The following RYR3 variants were observed in gnomAD, a reference collection of about 807,000 sequenced individuals.
The protein encoded by RYR3 is brain ryanodine receptor-calcium release channel.
A neutral mutation model predicts 584.3 loss-of-function variants in RYR3; 207 were observed. The observed-to-expected ratio is 0.35, with a 90% CI of 0.32 to 0.40. The LOEUF (loss-of-function observed/expected upper bound fraction) is 0.40. RYR3 is among the 10% of genes least tolerant of loss of function. RYR3 has a pLI of 1.00. For synonymous variants in RYR3, 2,416 were observed against 2,248.5 expected (o/e 1.07, Z -2.11); for missense variants, 5,616 against 6,089.2 (o/e 0.92, Z 2.59).
intron 67 of RYR3, among the ~76,000 whole-genome samples, chr15:33,794,318 T>C (rs1442656187): frequency 1.1e-5 from 1 of 93,588 alleles, no homozygotes; most frequent in Non-Finnish European, 2.4e-5. Flanking sequence ...TTTATATATA[T>C]ATATTTTTAT....
rs200820484 is a variant in RYR3 at position 33,601,485 on chromosome 15, A to G, written c.1855A>G (p.Ile619Val). 4 of 1,613,550 alleles carry G rather than the reference A, an allele frequency of 2.5e-6. No homozygotes were observed. In the African/African-American group the frequency reaches 5.3e-5, roughly 22 times the overall value. Residue 619 changes from isoleucine (I) to valine (V), a missense_variant, in exon 17 of 104, where the codon ATC becomes GTC. Physicochemically the swap from Ile to Val is conservative, Grantham distance 29. This residue lies in a region of RYR3 where 1,284 missense variants were observed against 1,344.6 expected (regional missense o/e 0.95). Transcript: ENST00000634891. ...GVAVRANQNL[I>V]CDNLLPRRNL... ...TGCAGTGAGAGCCAACCAGAATCTGATCTGTGACAACTTGCTGCCCCGGAG... is the reference window on the plus strand; with the variant it reads ...TGCAGTGAGAGCCAACCAGAATCTGGTCTGTGACAACTTGCTGCCCCGGAG...
rs144924122 is a variant in RYR3, at chr15:33,813,401, A to G, written c.10390-66A>G. On this transcript the variant is annotated intron_variant, in intron 73 of 103. Transcript: ENST00000634891. ...TCCAGAATGAAGAAGTCTGGGCTAC[A>G]GGTGACTAGCTTCTGCCACCAGAAG... 320 of 1,377,072 alleles carry G rather than the reference A, an allele frequency of 2.3e-4. No individual in the cohort carries two copies. In the African/African-American group the frequency reaches 4.1e-3, roughly 18 times the overall value. 85.3% of individuals were successfully genotyped at this position (1,377,072 alleles called of 1,614,324 possible).
In RYR3 at chr15:33,682,495, G is replaced by T. The variant is rs529303872; in HGVS notation, c.5860+11939G>T. The stretch of plus-strand genomic sequence containing the variant: ...TATACATCATATATTTGATATCATT[G>T]CCTTAATGTGACTACCCCTAATTAC... On this transcript the variant is annotated intron_variant, in intron 38 of 103. Coordinates refer to ENST00000634891, the MANE Select transcript of RYR3 (RefSeq NM_001036.6). Among the ~76,000 whole-genome samples the T allele has an allele frequency of 7.2e-5, 11 of 152,098 alleles. No individual in the cohort carries two copies. The South Asian group carries it at 1.7e-3, about 23-fold the overall frequency.
chr15:33,644,824 G>C (rs1175171726), intron 28 of RYR3, among the ~76,000 whole-genome samples: 1 of 152,150 alleles, frequency 6.6e-6, no homozygotes, highest in African/African-American at 2.4e-5. Flanking sequence ...AGTATTCGGA[G>C]ACCTTAAACT....
intron 43 of RYR3, chr15:33,722,493 G>T: frequency 3.6e-6 from 2 of 551,392 alleles, no homozygotes; most frequent in Non-Finnish European, 6.3e-6. Context: ...AGTAGATGAG[G>T]CTGGTTCAAG....
intron 1 of RYR3, among the ~76,000 whole-genome samples, chr15:33,457,349 C>T (rs1251008050): frequency 3.3e-5 from 5 of 152,156 alleles, no homozygotes; most frequent in African/African-American, 1.2e-4. Context: ...CAACTTGTGT[C>T]TGTCAGTGGA....
intron 1 of RYR3, among the ~76,000 whole-genome samples, chr15:33,418,722 C>G (rs2141581192): frequency 6.6e-6 from 1 of 152,182 alleles, no homozygotes; most frequent in Middle Eastern, 3.4e-3. Flanking sequence ...ATAGACATCC[C>G]AGAAAAACCA....
At chr15:33,423,388 G>C (rs1420503994) in intron 1 of RYR3, among the ~76,000 whole-genome samples, 1 of 152,048 alleles carries the variant, frequency 6.6e-6, no homozygotes, top group East Asian at 1.9e-4. Flanking sequence ...ACTGTATTTT[G>C]TTTATCCATT....
intron 19 of RYR3, among the ~76,000 whole-genome samples, chr15:33,622,709 A>G (rs1244899340): frequency 6.6e-6 from 1 of 152,032 alleles, no homozygotes; most frequent in Non-Finnish European, 1.5e-5. Flanking sequence ...GCTTTTTTCC[A>G]GTGTTCAATT....
intron 2 of RYR3, among the ~76,000 whole-genome samples, chr15:33,497,525 G>A (rs1038387221): frequency 6.6e-6 from 1 of 152,048 alleles, no homozygotes; most frequent in Admixed American, 6.6e-5. Flanking sequence ...TTACCCAGTT[G>A]ACTGCAAAAC....
intron 1 of RYR3, among the ~76,000 whole-genome samples, chr15:33,471,048 C>G (rs892822454): frequency 7.2e-5 from 11 of 152,200 alleles, no homozygotes; most frequent in African/African-American, 2.7e-4. Context: ...ATTAACTCAT[C>G]TCATAATCCC....
Position 33,358,694 on chromosome 15 carries a change from T to A in RYR3, c.51+47598T>A, listed in dbSNP as rs550715601. Among the ~76,000 whole-genome samples, 23 of 152,158 alleles carry A rather than the reference T, an allele frequency of 1.5e-4. No individual in the cohort carries two copies. The South Asian group carries it at 4.8e-3, about 32-fold the overall frequency. On this transcript the variant is annotated intron_variant, in intron 1 of 103. Coordinates refer to ENST00000634891, the MANE Select transcript of RYR3 (RefSeq NM_001036.6). The stretch of plus-strand genomic sequence containing the variant: ...AAAAAGGACTTGGTTTAAACTTAAT[T>A]TTAATACTCTGTTAGATTTTGCTTC...
chr15:33,849,917 C>A (rs1424060505), intron 94 of RYR3: 1 of 152,246 alleles, frequency 6.6e-6, no homozygotes, highest in African/African-American at 2.4e-5. Context: ...GGGTCCCCTG[C>A]CAATCTTCTC....
intron 38 of RYR3, among the ~76,000 whole-genome samples, chr15:33,689,211 G>A (rs377534595): frequency 1.8e-4 from 8 of 43,714 alleles, no homozygotes; most frequent in African/African-American, 4.2e-4. Flanking sequence ...ATCACACACC[G>A]GGGCCTGTTG....
At chr15:33,826,359 T>C in intron 83 of RYR3, 90 bp downstream of exon 83, 1 of 1,324,030 alleles carries the variant, frequency 7.6e-7, no homozygotes, top group Non-Finnish European at 1.1e-6. Context: ...ATTTTAGGCT[T>C]GGTAGTTGCA....
intron 2 of RYR3, among the ~76,000 whole-genome samples, chr15:33,478,427 G>A (rs1471996491): frequency 6.6e-6 from 1 of 152,116 alleles, no homozygotes; most frequent in Non-Finnish European, 1.5e-5. Flanking sequence ...AGCTTTTGAG[G>A]ACTCCACAAA....
rs117244254 is a variant in RYR3 at position 33,779,400 on chromosome 15, T to G, written c.9138-811T>G. On this transcript the variant is annotated intron_variant, in intron 64 of 103. Transcript: ENST00000634891. Reference sequence around the variant, plus strand: ...TATTTGTACAAAAGAGGGAAAGGAGTAACCGTTATCTGAGGTCTCTCCTGT... The same window carrying G: ...TATTTGTACAAAAGAGGGAAAGGAGGAACCGTTATCTGAGGTCTCTCCTGT... Among the ~76,000 whole-genome samples the G allele has an allele frequency of 3.7e-4, 57 of 152,106 alleles. 1 individual carries two copies. In the East Asian group the frequency reaches 0.01, roughly 27 times the overall value.
At position 33,644,302 on chromosome 15, in the gene RYR3, C is replaced by G. The variant is rs1208116258; in HGVS notation, c.3557-9C>G. On this transcript the variant is annotated splice_polypyrimidine_tract_variant and intron_variant, in intron 27 of 103. Transcript: ENST00000634891. ...CGGGCTAAAGCAGGTCTCTCTAACT[C>G]TTCTGCAGGCTTCGTGCCCATCTGC... The G allele has an allele frequency of 1.2e-6, 2 of 1,603,808 alleles. No individual in the cohort carries two copies. Among genetic ancestry groups the G allele is most frequent in the South Asian group, 2.2e-5 (2 of 88,918 alleles).
At chr15:33,369,059 A>G (rs1468331947) in intron 1 of RYR3, among the ~76,000 whole-genome samples, 2 of 152,198 alleles carry the variant, frequency 1.3e-5, no homozygotes, top group African/African-American at 2.4e-5. Flanking sequence ...ATATATGACT[A>G]TATGCCGGAT....
Sources: allele counts gnomAD v4.1 joint callset (sites outside exome capture counted in the v4.1 genomes callset), GRCh38; gene constraint gnomAD v4.1.1; regional missense constraint gnomAD v4.1.1; transcripts MANE v1.5; gene names NCBI Gene and HGNC (gene_info 2026-07-23, HGNC 2026-07-21).